Variants in EFHB observed in about 807,000 individuals in gnomAD.
EFHB encodes EF-hand domain family member B, also known as EF-hand domain-containing family member B.
EFHB carries 91 observed loss-of-function variants against 87.2 expected under a neutral mutation model. That is an observed-to-expected ratio of 1.04 (90% CI 0.88 to 1.24). The LOEUF (loss-of-function observed/expected upper bound fraction) is 1.24, where lower values mean the gene tolerates loss of function less well. Ranked by LOEUF, EFHB falls within the 50% of genes most tolerant of loss-of-function variation. The probability of loss-of-function intolerance (pLI) is 0.00; values close to 1 mark genes in which losing one functional copy is unlikely to be tolerated. For missense variants in EFHB, 1,084 were observed against 998.8 expected (o/e 1.09, Z -1.15); for synonymous variants, 325 against 333.6 (o/e 0.97, Z 0.28).
chr3:19,929,262 C>T (rs1289063503), intron 1 of EFHB, among the ~76,000 whole-genome samples: 2 of 151,026 alleles, frequency 1.3e-5, no homozygotes, highest in African/African-American at 2.4e-5. Context: ...TGATCTCAAA[C>T]TCCTGGGCTC....
intron 1 of EFHB, chr3:19,940,633 C>T (rs1027775812): frequency 1.2e-5 from 5 of 405,890 alleles, no homozygotes; most frequent in East Asian, 1.3e-4. Context: ...CTGGACCACA[C>T]ATTTAATGTC....
intron 9 of EFHB, among the ~76,000 whole-genome samples, chr3:19,891,085 G>T (rs11923581): frequency 6.6e-6 from 1 of 151,258 alleles, no homozygotes; most frequent in African/African-American, 2.4e-5. Context: ...TGCTGCTGCT[G>T]AGACAGGCTA....
chr3:19,898,805 C>CA lies in EFHB; in HGVS notation c.1542dup (p.Gly515TrpfsTer7). 6.2e-7 allele frequency: 1 copy of CA among 1,613,750 alleles called. No individual in the cohort carries two copies. Among genetic ancestry groups the CA allele is most frequent in the Non-Finnish European group, 8.5e-7 (1 of 1,179,810 alleles). On this transcript the variant is annotated frameshift_variant, in exon 8 of 13. Coordinates refer to ENST00000295824, the MANE Select transcript of EFHB (RefSeq NM_144715.4). LOFTEE classifies it high-confidence loss of function. ...TATTCCTCAGGACGGAGACAAGCTC[C>CA]AAATGTGCAGTCTGGGGGAACATTC...
At chr3:19,935,826 A>T (rs559631595), upstream of EFHB, among the ~76,000 whole-genome samples, 431 of 152,114 alleles carry the variant, frequency 2.8e-3, 2 homozygotes, top group African/African-American at 9.9e-3. Context: ...CCTGGCCAAC[A>T]TGGTGAAACC....
intron 6 of EFHB, among the ~76,000 whole-genome samples, chr3:19,902,775 G>A (rs754111737): frequency 2.6e-5 from 4 of 152,196 alleles, no homozygotes; most frequent in Non-Finnish European, 5.9e-5. Flanking sequence ...TTGACTCCAC[G>A]TTTGTAACAG....
upstream of EFHB, chr3:19,934,331 C>G (rs1312192241): frequency 3.2e-5 from 35 of 1,110,346 alleles, no homozygotes; most frequent in Non-Finnish European, 4.0e-5. Context: ...CTCTCTCTCT[C>G]CCCTCTTCTC....
intron 6 of EFHB, among the ~76,000 whole-genome samples, chr3:19,904,194 A>C (rs1694763470): frequency 6.6e-6 from 1 of 152,230 alleles, no homozygotes; most frequent in Non-Finnish European, 1.5e-5. Flanking sequence ...TCATTGACAA[A>C]TATGAATGCG....
intron 6 of EFHB, among the ~76,000 whole-genome samples, chr3:19,899,882 G>C (rs973983872): frequency 6.6e-6 from 1 of 152,036 alleles, no homozygotes; most frequent in Admixed American, 6.6e-5. Flanking sequence ...AGACTAGCCT[G>C]GGCAACATGG....
intron 9 of EFHB, among the ~76,000 whole-genome samples, chr3:19,891,781 C>T (rs1694315177): frequency 6.6e-6 from 1 of 152,138 alleles, no homozygotes; most frequent in Non-Finnish European, 1.5e-5. Context: ...CTGATCAAGC[C>T]TGAACCATCC....
At chr3:19,934,377 C>T (rs901541892), upstream of EFHB, among the ~76,000 whole-genome samples, 1 of 69,800 alleles carries the variant, frequency 1.4e-5, no homozygotes, top group African/African-American at 7.1e-5. Context: ...CTTCTCTCTC[C>T]TCTGTTTCTC....
intron 12 of EFHB, 127 bp downstream of exon 12, chr3:19,882,423 A>T: frequency 1.1e-6 from 1 of 882,504 alleles, no homozygotes; most frequent in Non-Finnish European, 1.6e-6. Flanking sequence ...AGGATTATTC[A>T]TCAAGAATCC....
At chr3:19,895,263 C>T (rs1417644548) in intron 9 of EFHB, among the ~76,000 whole-genome samples, 2 of 151,440 alleles carry the variant, frequency 1.3e-5, no homozygotes, top group African/African-American at 2.4e-5. Context: ...GGGTGGGTCA[C>T]GAGGTCAGGA....
intron 6 of EFHB, among the ~76,000 whole-genome samples, chr3:19,905,130 C>T (rs1694797246): frequency 6.6e-6 from 1 of 152,160 alleles, no homozygotes; most frequent in South Asian, 2.1e-4. Flanking sequence ...GTTATTCATG[C>T]CTTTATTCCC....
At position 19,895,785 on chromosome 3, in the gene EFHB, A is replaced by T. The variant is rs534465314; in HGVS notation, c.1725+902T>A. Among the ~76,000 whole-genome samples the T allele has an allele frequency of 2.7e-4, 41 of 152,336 alleles. No individual in the cohort carries two copies. In the South Asian group the frequency reaches 8.1e-3, roughly 30 times the overall value. The stretch of plus-strand genomic sequence containing the variant: ...TTCCTTTGTCAAGACTGAGTTTCTT[A>T]TAAGGAAGATGCATCTGACAAAAAT... On this transcript the variant is annotated intron_variant, in intron 9 of 12. Coordinates refer to ENST00000295824, the MANE Select transcript of EFHB (RefSeq NM_144715.4).
At chr3:19,888,414 T>G in intron 10 of EFHB, 30 bp downstream of exon 10, 1 of 1,211,584 alleles carries the variant, frequency 8.3e-7, no homozygotes, top group Non-Finnish European at 1.1e-6. Flanking sequence ...AAAAAAATAA[T>G]AATTCATCAA....
chr3:19,882,352 C>T (rs932010428), intron 12 of EFHB, among the ~76,000 whole-genome samples, 198 bp downstream of exon 12: 3 of 152,088 alleles, frequency 2.0e-5, no homozygotes, highest in African/African-American at 4.8e-5. Context: ...TATGAATTTG[C>T]TCTTTCTGTC....
At chr3:19,946,751 C>G (rs114645597) in intron 1 of EFHB, among the ~76,000 whole-genome samples, 1,769 of 152,200 alleles carry the variant, frequency 0.012, 32 homozygotes, top group African/African-American at 0.04. Context: ...TAGGGAACCT[C>G]GCCGCTCCCA....
chr3:19,900,626 C>T (rs1325146413), intron 6 of EFHB, among the ~76,000 whole-genome samples: 1 of 152,018 alleles, frequency 6.6e-6, no homozygotes, highest in African/African-American at 2.4e-5. Context: ...ATCCAGATAG[C>T]AATTAAAAAT....
intron 1 of EFHB, among the ~76,000 whole-genome samples, chr3:19,927,548 C>A (rs879380382): frequency 6.6e-6 from 1 of 152,188 alleles, no homozygotes; most frequent in Non-Finnish European, 1.5e-5. Flanking sequence ...CAACTTCAAA[C>A]CATAGGATGA....
Sources: gnomAD v4.1 joint callset for allele counts (sites outside exome capture counted in the v4.1 genomes callset) on GRCh38, gnomAD v4.1.1 for gene constraint, MANE v1.5 for transcripts, NCBI Gene and HGNC (gene_info 2026-07-23, HGNC 2026-07-21) for gene names.